Variants in TMEM106B observed in about 807,000 individuals in gnomAD.
TMEM106B encodes transmembrane protein 106B.
TMEM106B carries 15 observed loss-of-function variants against 31.1 expected under a neutral mutation model. That is an observed-to-expected ratio of 0.48 (90% CI 0.32 to 0.74). The LOEUF is 0.74. Among genes scored for constraint, TMEM106B ranks in the 30% least tolerant of loss-of-function variants. The pLI is 0.03. For synonymous variants in TMEM106B, 126 were observed against 112.5 expected, an observed-to-expected ratio of 1.12 and a Z score of -0.76; for missense variants, 283 against 327.3, an observed-to-expected ratio of 0.86 and a Z score of 1.04.
At chr7:12,220,472 A>T (rs188160433) in intron 3 of TMEM106B, among the ~76,000 whole-genome samples, 1 of 152,318 alleles carries the variant, frequency 6.6e-6, no homozygotes, top group Non-Finnish European at 1.5e-5. Context: ...AATAGAAGCT[A>T]TGAACAGCTA....
At chr7:12,231,780 A>G (rs544893681) in intron 7 of TMEM106B, 57 bp from the exon 8 acceptor site, 13 of 1,418,986 alleles carry the variant, frequency 9.2e-6, no homozygotes, top group African/African-American at 2.9e-5. Flanking sequence ...TAGTCTCACT[A>G]TGGAAAAACT....
chr7:12,231,316 C>T, intron 7 of TMEM106B: 1 of 467,544 alleles, frequency 2.1e-6, no homozygotes, highest in Non-Finnish European at 3.7e-6. Flanking sequence ...TACGTGACTG[C>T]TAAGTAGTGA....
intron 5 of TMEM106B, 161 bp from the exon 6 acceptor site, chr7:12,230,228 A>C: frequency 2.9e-6 from 2 of 680,432 alleles, no homozygotes; most frequent in East Asian, 2.7e-5. Flanking sequence ...AAAAGAAAAA[A>C]AAGAAAAAGA....
intron 5 of TMEM106B, 111 bp from the exon 6 acceptor site, chr7:12,230,278 T>A: frequency 1.2e-6 from 1 of 815,134 alleles, no homozygotes; most frequent in Non-Finnish European, 2.1e-6. Flanking sequence ...TCTTTGAGAA[T>A]CAAGCTTGTA....
intron 3 of TMEM106B, among the ~76,000 whole-genome samples, chr7:12,218,959 A>T (rs554392814): frequency 6.6e-6 from 1 of 152,278 alleles, no homozygotes; most frequent in African/African-American, 2.4e-5. Context: ...ACACAAAGCA[A>T]ATACTTTGTC....
chr7:12,231,101 A>G lies in TMEM106B; in HGVS notation c.672A>G (p.Ile224Met). Residue 224 changes from isoleucine to methionine, a missense_variant, in exon 7 of 8, where the codon ATA becomes ATG. Physicochemically the swap from Ile to Met is conservative, Grantham distance 10 (BLOSUM62 1). Transcript: ENST00000396668. ...CTLISIKVHN[I>M]VLMMQVTVTT... Reference sequence around the variant, plus strand: ...TGATATCCATCAAAGTGCATAACATAGTACTCATGATGCAGTAAGTACAAA... The same window carrying G: ...TGATATCCATCAAAGTGCATAACATGGTACTCATGATGCAGTAAGTACAAA... 6.2e-7 allele frequency: 1 copy of G among 1,602,426 alleles called. No homozygotes were observed. The highest frequency in any genetic ancestry group is 8.5e-7 in the Non-Finnish European group (1 of 1,174,572).
intron 2 of TMEM106B, 132 bp from the exon 3 acceptor site, chr7:12,218,326 C>A: frequency 5.4e-6 from 3 of 555,106 alleles, no homozygotes; most frequent in East Asian, 3.6e-5. Flanking sequence ...TTTCTGAAGA[C>A]TTAGCAATTT....
At chr7:12,223,860 A>G (rs1348423660) in intron 3 of TMEM106B, among the ~76,000 whole-genome samples, 2 of 151,726 alleles carry the variant, frequency 1.3e-5, no homozygotes, top group Non-Finnish European at 1.5e-5. Flanking sequence ...AGCTGGGATT[A>G]CAGGCGCACA....
intron 3 of TMEM106B, among the ~76,000 whole-genome samples, chr7:12,220,846 C>A (rs1781771849): frequency 6.6e-6 from 1 of 151,894 alleles, no homozygotes; most frequent in African/African-American, 2.4e-5. Flanking sequence ...AATGTAAATA[C>A]CAATAATAGA....
Position 12,230,336 on chromosome 7 carries a change from A to G in TMEM106B, c.583-53A>G, listed in dbSNP as rs1354864311. ...TTTGAAGTTATGAAGTATATCTGAA[A>G]TGTTTGATGTTTTGATCTTGTTCTC... is the stretch of plus-strand genomic sequence containing the variant. On this transcript the variant is annotated intron_variant, in intron 5 of 7. Coordinates refer to ENST00000396668, the MANE Select transcript of TMEM106B (RefSeq NM_001134232.2). 10 of 1,250,692 alleles carry G rather than the reference A, an allele frequency of 8.0e-6. No individual in the cohort carries two copies. In the East Asian group the frequency reaches 2.1e-4, roughly 26 times the overall value. The allele number at this position is 1,250,692 out of a possible 1,614,324, so 77.5% of individuals were successfully genotyped here. A position where few individuals can be genotyped will look rare whatever the true frequency, so the allele number is the denominator to read the frequency against.
rs1782070507 is a variant in TMEM106B, at chr7:12,233,533, T to C, written c.*1558T>C. On this transcript the variant is annotated 3_prime_UTR_variant, in exon 8 of 8. Coordinates refer to ENST00000396668, the MANE Select transcript of TMEM106B (RefSeq NM_001134232.2). ...TTCATATTATTTTCTGCAAGTTTTC[T>C]TGAGTATCTTCAATTCGTTGAATGT... 6.6e-6 allele frequency: 1 copy of C among 151,626 alleles called. No individual in the cohort carries two copies. The highest frequency in any genetic ancestry group is 1.5e-5 in the Non-Finnish European group (1 of 67,700). The allele number at this position is 151,626 out of a possible 1,614,324, so 9.4% of individuals were successfully genotyped here. A position where few individuals can be genotyped will look rare whatever the true frequency, so the allele number is the denominator to read the frequency against.
chr7:12,218,292 T>C (rs1470748475), intron 2 of TMEM106B, among the ~76,000 whole-genome samples, 166 bp from the exon 3 acceptor site: 1 of 151,866 alleles, frequency 6.6e-6, no homozygotes, highest in African/African-American at 2.4e-5. Context: ...ACACGCTGTC[T>C]TCTCTAGAAC....
rs890714703 is a variant in TMEM106B at position 12,218,492 on chromosome 7, T to C, written c.252T>C (p.Tyr84=). 6.2e-7 allele frequency: 1 copy of C among 1,612,862 alleles called. No homozygotes were observed. Among genetic ancestry groups the C allele is most frequent in the Non-Finnish European group, 8.5e-7 (1 of 1,179,300 alleles). Residue 84 remains tyrosine, a synonymous_variant, in exon 3 of 8, where the codon TAT becomes TAC. Coordinates refer to ENST00000396668, the MANE Select transcript of TMEM106B (RefSeq NM_001134232.2). ...ACCAACTGGTGGCATTGATTCCATA[T>C]AGTGATCAGAGATTAAGGCCAAGAA... ...QENQLVALIP[Y]SDQRLRPRRT...
At chr7:12,214,627 C>T (rs1160880609) in intron 1 of TMEM106B, among the ~76,000 whole-genome samples, 182 bp from the exon 2 acceptor site, 2 of 152,200 alleles carry the variant, frequency 1.3e-5, no homozygotes, top group Admixed American at 6.5e-5. Context: ...TTCTCAGGAC[C>T]TGTTGAGACT....
rs115327309 is a variant in TMEM106B at position 12,211,760 on chromosome 7, G to A, written c.-3+335G>A. 4.5e-3 allele frequency among the ~76,000 whole-genome samples: 690 copies of A among 152,340 alleles called. 4 individuals are homozygous for A. Among genetic ancestry groups the A allele is most frequent in the African/African-American group, 0.016 (652 of 41,580 alleles). Reference sequence around the variant, plus strand: ...TTTGCAGCTTTACAGAGTAGGCTTTGTGCTAGGTGTTGTTTATGGAGCTTT... The same window carrying A: ...TTTGCAGCTTTACAGAGTAGGCTTTATGCTAGGTGTTGTTTATGGAGCTTT... On this transcript the variant is annotated intron_variant, in intron 1 of 7. Transcript: ENST00000396668.
chr7:12,225,526 A>G (rs528021367), intron 4 of TMEM106B, among the ~76,000 whole-genome samples: 1 of 152,260 alleles, frequency 6.6e-6, no homozygotes, highest in African/African-American at 2.4e-5. Context: ...CCTCTCTACC[A>G]TCTGTTGTTT....
In TMEM106B at chr7:12,230,540, AAG is replaced by A. The variant is rs1781999680; in HGVS notation, c.632+105_632+106del. ...TTTTTAATTTCCGTTATCAGTCAAA[AAG>A]AGTACATTATGTAGTATTCTGGCTT... On this transcript the variant is annotated intron_variant, in intron 6 of 7. Coordinates refer to ENST00000396668, the MANE Select transcript of TMEM106B (RefSeq NM_001134232.2). 1.3e-5 allele frequency: 10 copies of A among 766,720 alleles called. No homozygotes were observed. The South Asian group carries it at 1.5e-4, about 12-fold the overall frequency. 47.5% of individuals were successfully genotyped at this position (766,720 alleles called of 1,614,324 possible). A position where few individuals can be genotyped will look rare whatever the true frequency, so the allele number is the denominator to read the frequency against.
At position 12,235,662 on chromosome 7, in the gene TMEM106B, G is replaced by C. The variant is rs1021396907; in HGVS notation, c.*3687G>C. On this transcript the variant is annotated 3_prime_UTR_variant, in exon 8 of 8. Transcript: ENST00000396668. ...TGGAGGGCATGTGCCCAACTCTCCCGCACCCCATTTTGTTTGTCTTTTAAA... is the reference window on the plus strand; with the variant it reads ...TGGAGGGCATGTGCCCAACTCTCCCCCACCCCATTTTGTTTGTCTTTTAAA... 1 of 151,568 alleles carries C rather than the reference G, an allele frequency of 6.6e-6. No individual in the cohort carries two copies. The highest frequency in any genetic ancestry group is 1.5e-5 in the Non-Finnish European group (1 of 67,754). The allele number at this position is 151,568 out of a possible 1,614,324, so 9.4% of individuals were successfully genotyped here.
At position 12,237,810 on chromosome 7, in the gene TMEM106B, TATACATACACACACACACACACACAC is replaced by T. The variant is rs1416905086; in HGVS notation, c.*5837_*5862del. 8.5e-6 allele frequency: 1 copy of T among 117,872 alleles called. No homozygotes were observed. The highest frequency in any genetic ancestry group is 3.8e-5 in the African/African-American group (1 of 26,270). The allele number at this position is 117,872 out of a possible 1,614,324, so 7.3% of individuals were successfully genotyped here. On this transcript the variant is annotated 3_prime_UTR_variant, in exon 8 of 8. Coordinates refer to ENST00000396668, the MANE Select transcript of TMEM106B (RefSeq NM_001134232.2). ...ACATGGCGAGACCCCATATAAAATATATACATACACACACACACACACACACACACACACACACACACACACTATTG... is the reference window on the plus strand; with the variant it reads ...ACATGGCGAGACCCCATATAAAATATACACACACACACACACACACTATTG...
Sources: allele counts gnomAD v4.1 joint callset (sites outside exome capture counted in the v4.1 genomes callset), GRCh38; gene constraint gnomAD v4.1.1; transcripts MANE v1.5; gene names NCBI Gene and HGNC (gene_info 2026-07-23, HGNC 2026-07-21).